The following ELOVL2 variants were observed in gnomAD, a reference collection of about 807,000 sequenced individuals.
The protein encoded by ELOVL2 is ELOVL fatty acid elongase 2, also known as very long chain fatty acid elongase 2.
ELOVL2 carries 38 observed loss-of-function variants against 37.7 expected under a neutral mutation model. The observed-to-expected ratio is 1.01, with a 90% CI of 0.78 to 1.32. ELOVL2 has a LOEUF of 1.32. ELOVL2 is among the 40% of genes most tolerant of loss of function. The pLI is 0.00. For missense variants in ELOVL2, 352 were observed against 363.6 expected (o/e 0.97, Z 0.26); for synonymous variants, 115 against 122.3 (o/e 0.94, Z 0.40).
chr6:11,032,712 C>T (rs1002337537), intron 1 of ELOVL2, among the ~76,000 whole-genome samples: 2 of 152,198 alleles, frequency 1.3e-5, no homozygotes, highest in African/African-American at 2.4e-5. Context: ...TCTGCAGGTA[C>T]CTTTCTAGTG....
rs576880489 is a variant in ELOVL2 at position 10,995,637 on chromosome 6, T to C, written c.334-459A>G. On this transcript the variant is annotated intron_variant, in intron 4 of 7. Coordinates refer to ENST00000354666, the MANE Select transcript of ELOVL2 (RefSeq NM_017770.4). Reference sequence around the variant, plus strand: ...TCTGGCATATTCTTTAATATTCCTCTTAAATGCCACCTTTTCTCTGGAACT... The same window carrying C: ...TCTGGCATATTCTTTAATATTCCTCCTAAATGCCACCTTTTCTCTGGAACT... Among the ~76,000 whole-genome samples the C allele has an allele frequency of 2.8e-3, 432 of 152,362 alleles. 1 individual carries two copies. Among genetic ancestry groups the C allele is most frequent in the Non-Finnish European group, 4.6e-3 (316 of 68,040 alleles).
chr6:11,024,041 T>C (rs918322707), intron 1 of ELOVL2, among the ~76,000 whole-genome samples: 1 of 152,166 alleles, frequency 6.6e-6, no homozygotes, highest in African/African-American at 2.4e-5. Context: ...CAGCCCAACA[T>C]AGTCTCCAAA....
At chr6:10,989,538 C>T (rs868211475) in intron 7 of ELOVL2, among the ~76,000 whole-genome samples, 165 bp downstream of exon 7, 1 of 151,982 alleles carries the variant, frequency 6.6e-6, no homozygotes, top group Non-Finnish European at 1.5e-5. Context: ...ACTTGAGAGG[C>T]TGAGGCAGGA....
intron 3 of ELOVL2, among the ~76,000 whole-genome samples, chr6:11,004,762 C>A (rs1782450237): frequency 6.6e-6 from 1 of 152,160 alleles, no homozygotes; most frequent in Non-Finnish European, 1.5e-5. Flanking sequence ...CTTTTCTAAG[C>A]CTCAGTATCC....
intron 1 of ELOVL2, chr6:11,043,607 CTG>C (rs1311534717): frequency 6.5e-6 from 1 of 152,716 alleles, no homozygotes; most frequent in African/African-American, 2.4e-5. Flanking sequence ...AGCCCAGACA[CTG>C]ATAGAAACCC....
At chr6:11,043,856 C>T (rs56074859) in intron 1 of ELOVL2, 35,076 of 193,184 alleles carry the variant, frequency 0.18, 4,244 homozygotes, top group East Asian at 0.44. Context: ...GGAGGGTGGG[C>T]TGCGCGCGGG....
intron 1 of ELOVL2, among the ~76,000 whole-genome samples, chr6:11,017,757 C>T (rs979784746): frequency 6.6e-6 from 1 of 152,116 alleles, no homozygotes; most frequent in African/African-American, 2.4e-5. Flanking sequence ...TCTATTTTTT[C>T]TTTACAGCAC....
intron 1 of ELOVL2, among the ~76,000 whole-genome samples, chr6:11,040,659 G>C (rs1783084679): frequency 6.6e-6 from 1 of 152,192 alleles, no homozygotes; most frequent in Non-Finnish European, 1.5e-5. Context: ...AAAAGGGACA[G>C]AGACATCATT....
chr6:10,999,962 C>T (rs1283434988), intron 4 of ELOVL2, 125 bp downstream of exon 4: 2 of 802,862 alleles, frequency 2.5e-6, no homozygotes, highest in African/African-American at 3.4e-5. Flanking sequence ...CCAAGCATTT[C>T]TATTAGAACA....
At chr6:10,995,910 GT>G (rs897585133) in intron 4 of ELOVL2, among the ~76,000 whole-genome samples, 6 of 152,148 alleles carry the variant, frequency 3.9e-5, no homozygotes, top group African/African-American at 1.4e-4. Flanking sequence ...AAGTATATAT[GT>G]TTTTTGTCTC....
Position 10,981,480 on chromosome 6 carries a change from T to C in ELOVL2, c.*2301A>G, listed in dbSNP as rs1169117185. ...AAGGCTATAAGTGTTTTATGAAGCA[T>C]CTCTTGAATTGAAGACCAAATTGGA... On this transcript the variant is annotated 3_prime_UTR_variant, in exon 8 of 8. Coordinates refer to ENST00000354666, the MANE Select transcript of ELOVL2 (RefSeq NM_017770.4). 1 of 152,660 alleles carries C rather than the reference T, an allele frequency of 6.6e-6. No homozygotes were observed. Among genetic ancestry groups the C allele is most frequent in the African/African-American group, 2.4e-5 (1 of 41,466 alleles). The allele number at this position is 152,660 out of a possible 1,614,324, so 9.5% of individuals were successfully genotyped here.
At chr6:10,984,617 T>G (rs1007910487) in intron 7 of ELOVL2, among the ~76,000 whole-genome samples, 6 of 149,614 alleles carry the variant, frequency 4.0e-5, no homozygotes, top group African/African-American at 1.5e-4. Context: ...GGTGTTTGGT[T>G]TTTTGTTCTT....
chr6:11,040,237 G>T (rs916191947), intron 1 of ELOVL2, among the ~76,000 whole-genome samples: 7 of 152,098 alleles, frequency 4.6e-5, no homozygotes, highest in African/African-American at 1.4e-4. Context: ...TTTTTGTAAT[G>T]CTGGGTTTAA....
intron 7 of ELOVL2, among the ~76,000 whole-genome samples, chr6:10,986,945 T>G (rs1163550396): frequency 6.6e-6 from 1 of 152,214 alleles, no homozygotes; most frequent in Non-Finnish European, 1.5e-5. Flanking sequence ...TCCTTGTACC[T>G]CTGGTAGAAT....
chr6:10,984,482 G>C lies in ELOVL2; in HGVS notation c.766-576C>G, dbSNP rs1055773575. ...CCATTAACTCGTCATTTAGCATTAG[G>C]TATATCTCCTAAAGCTATCCCTCCC... On this transcript the variant is annotated intron_variant, in intron 7 of 7. Coordinates refer to ENST00000354666, the MANE Select transcript of ELOVL2 (RefSeq NM_017770.4). Among the ~76,000 whole-genome samples the C allele has an allele frequency of 4.0e-4, 59 of 149,294 alleles. 1 individual carries two copies. In the South Asian group the frequency reaches 0.012, roughly 30 times the overall value.
chr6:10,996,838 CG>C (rs973288862), intron 4 of ELOVL2, among the ~76,000 whole-genome samples: 37 of 151,462 alleles, frequency 2.4e-4, no homozygotes, highest in African/African-American at 9.0e-4. Context: ...GGTGAAACCC[CG>C]TCTCTATTAA....
At chr6:11,039,116 C>G (rs1418122897) in intron 1 of ELOVL2, among the ~76,000 whole-genome samples, 1 of 152,174 alleles carries the variant, frequency 6.6e-6, no homozygotes, top group Non-Finnish European at 1.5e-5. Context: ...AGCCAAAGGG[C>G]AGCCAATGTA....
intron 3 of ELOVL2, among the ~76,000 whole-genome samples, chr6:11,001,242 C>A (rs998099261): frequency 6.6e-6 from 1 of 152,114 alleles, no homozygotes; most frequent in African/African-American, 2.4e-5. Context: ...CCTGATATAC[C>A]TCTCTTTCCT....
In ELOVL2 at chr6:10,990,418, CTGTTCAG is replaced by C; in HGVS notation, c.523_529del (p.Leu175ValfsTer45). 1 of 1,608,996 alleles carries C rather than the reference CTGTTCAG, an allele frequency of 6.2e-7. No individual in the cohort carries two copies. The highest frequency in any genetic ancestry group is 1.7e-5 in the Admixed American group (1 of 59,028). Reference sequence around the variant, plus strand: ...GGAGTACATAAGAATGTGGATAAAACTGTTCAGTGTTGGTCCAAAGAAACCTATAAAA... The same window carrying C: ...GGAGTACATAAGAATGTGGATAAAACTGTTGGTCCAAAGAAACCTATAAAA... On this transcript the variant is annotated frameshift_variant, in exon 6 of 8. Coordinates refer to ENST00000354666, the MANE Select transcript of ELOVL2 (RefSeq NM_017770.4). LOFTEE classifies it high-confidence loss of function.
Sources: allele counts gnomAD v4.1 joint callset (sites outside exome capture counted in the v4.1 genomes callset), GRCh38; gene constraint gnomAD v4.1.1; transcripts MANE v1.5; gene names NCBI Gene and HGNC (gene_info 2026-07-23, HGNC 2026-07-21).